The following CDH18 variants were observed in gnomAD, a reference collection of about 807,000 sequenced individuals.
CDH18 encodes the protein cadherin-18.
In CDH18, 31 loss-of-function variants were observed where a neutral mutation model predicts 67.9. That is an observed-to-expected ratio of 0.46 (90% CI 0.34 to 0.62). The LOEUF is 0.62. Ranked by LOEUF, CDH18 falls within the 20% of genes least tolerant of loss-of-function variation. CDH18 has a pLI of 0.01. For missense variants in CDH18, 890 were observed against 975.5 expected (o/e 0.91, Z 1.17); for synonymous variants, 362 against 347.2 (o/e 1.04, Z -0.48).
intron 2 of CDH18, among the ~76,000 whole-genome samples, chr5:20,086,708 A>C (rs1253954533): frequency 6.6e-6 from 1 of 152,230 alleles, no homozygotes; most frequent in East Asian, 1.9e-4. Flanking sequence ...GTCTGTTTAC[A>C]GCATGATTTA....
intron 9 of CDH18, among the ~76,000 whole-genome samples, chr5:19,528,475 T>C (rs987270487): frequency 2.6e-5 from 4 of 151,634 alleles, no homozygotes; most frequent in African/African-American, 9.7e-5. Flanking sequence ...AAACAGCTAC[T>C]ATGTAAAATA....
intron 1 of CDH18, among the ~76,000 whole-genome samples, chr5:20,363,765 A>G (rs1742295789): frequency 6.6e-6 from 1 of 151,042 alleles, no homozygotes. Context: ...ATTGGTAAGT[A>G]TCTGTATTAC....
intron 1 of CDH18, among the ~76,000 whole-genome samples, chr5:20,457,291 T>C (rs922850017): frequency 1.3e-5 from 2 of 152,194 alleles, no homozygotes; most frequent in African/African-American, 2.4e-5. Context: ...GGTTTAACCA[T>C]GTAAAAATTG....
intron 1 of CDH18, among the ~76,000 whole-genome samples, chr5:20,479,223 A>C (rs1001364401): frequency 2.0e-5 from 3 of 152,160 alleles, no homozygotes; most frequent in Admixed American, 2.0e-4. Context: ...ACAAACATCC[A>C]TGTGCATCAA....
At chr5:20,181,674 A>C (rs879116969) in intron 2 of CDH18, among the ~76,000 whole-genome samples, 48 of 152,256 alleles carry the variant, frequency 3.2e-4, no homozygotes, top group African/African-American at 1.1e-3. Flanking sequence ...CAAGTGAACA[A>C]CACCAATAAT....
At chr5:20,104,630 G>C (rs112297806) in intron 2 of CDH18, among the ~76,000 whole-genome samples, 3,497 of 151,932 alleles carry the variant, frequency 0.023, 141 homozygotes, top group African/African-American at 0.077. Flanking sequence ...GTCCACGTCT[G>C]TCCCTCTTCT....
intron 1 of CDH18, among the ~76,000 whole-genome samples, chr5:20,493,356 T>TTAAA (rs1391590923): frequency 6.4e-5 from 3 of 47,196 alleles, no homozygotes; most frequent in African/African-American, 8.5e-5. Context: ...TTCAGAAAAT[T>TTAAA]AAAAAAAAAA....
chr5:20,298,706 A>C (rs1747727828), intron 1 of CDH18, among the ~76,000 whole-genome samples: 2 of 152,186 alleles, frequency 1.3e-5, no homozygotes, highest in African/African-American at 4.8e-5. Flanking sequence ...GCAGTAATTA[A>C]AACAGAGAAA....
At chr5:19,962,821 A>G (rs1797059015) in intron 2 of CDH18, among the ~76,000 whole-genome samples, 1 of 152,094 alleles carries the variant, frequency 6.6e-6, no homozygotes, top group Non-Finnish European at 1.5e-5. Context: ...GGAATACTTA[A>G]GTCTCAGAGA....
intron 3 of CDH18, among the ~76,000 whole-genome samples, chr5:19,756,096 AG>A (rs1406705735): frequency 2.0e-5 from 3 of 152,166 alleles, no homozygotes; most frequent in African/African-American, 4.8e-5. Context: ...GACAATAATA[AG>A]GTCATAATTA....
chr5:20,455,653 A>C lies in CDH18; in HGVS notation c.-580+119809T>G, dbSNP rs572300664. ...GATCCATTCAAATAAATATATTTTT[A>C]AAAAACAAATTTTATTTTAGTTTTC... is the stretch of plus-strand genomic sequence containing the variant. On this transcript the variant is annotated intron_variant, in intron 1 of 14. Transcript: ENST00000507958. Among the ~76,000 whole-genome samples, 3 of 152,228 alleles carry C rather than the reference A, an allele frequency of 2.0e-5. No homozygotes were observed. The South Asian group carries it at 6.2e-4, about 32-fold the overall frequency.
chr5:20,574,046 C>G (rs1758978122), intron 1 of CDH18, among the ~76,000 whole-genome samples: 1 of 150,644 alleles, frequency 6.6e-6, no homozygotes, highest in Non-Finnish European at 1.5e-5. Context: ...CTAAGACCAA[C>G]TGTACTTTCC....
At chr5:20,208,002 T>C (rs148185078) in intron 2 of CDH18, among the ~76,000 whole-genome samples, 80 of 152,154 alleles carry the variant, frequency 5.3e-4, no homozygotes, top group Non-Finnish European at 9.1e-4. Context: ...AAAAATTAAA[T>C]ATAAATCTAT....
At chr5:20,078,227 C>G (rs892801270) in intron 2 of CDH18, among the ~76,000 whole-genome samples, 1 of 151,872 alleles carries the variant, frequency 6.6e-6, no homozygotes, top group Admixed American at 6.6e-5. Flanking sequence ...TTTGGGAGGC[C>G]GAGGCAGGCA....
At chr5:20,154,881 A>G (rs370749541) in intron 2 of CDH18, among the ~76,000 whole-genome samples, 1 of 152,024 alleles carries the variant, frequency 6.6e-6, no homozygotes, top group Non-Finnish European at 1.5e-5. Flanking sequence ...TGCTTTTTCC[A>G]CCCAGTCATC....
At chr5:20,018,570 A>G (rs1287110924) in intron 2 of CDH18, among the ~76,000 whole-genome samples, 1 of 151,500 alleles carries the variant, frequency 6.6e-6, no homozygotes, top group African/African-American at 2.5e-5. Flanking sequence ...AAGATTCTTA[A>G]GAAAATGATA....
intron 2 of CDH18, among the ~76,000 whole-genome samples, chr5:20,065,331 A>G (rs572889644): frequency 6.6e-6 from 1 of 152,144 alleles, no homozygotes; most frequent in East Asian, 1.9e-4. Flanking sequence ...TTAAAATGTT[A>G]AAAGCAATAT....
intron 2 of CDH18, among the ~76,000 whole-genome samples, chr5:19,994,855 T>TATATATATATATATATATAGAGAGAGAG (rs760777430): frequency 3.0e-5 from 2 of 67,586 alleles, no homozygotes; most frequent in African/African-American, 7.4e-5. Context: ...TATATATATA[T>TATATATATATATATATATAGAGAGAGAG]AGAGAGAGAG....
At chr5:19,715,729 A>G (rs1008415521) in intron 5 of CDH18, among the ~76,000 whole-genome samples, 3 of 152,090 alleles carry the variant, frequency 2.0e-5, no homozygotes, top group Admixed American at 2.0e-4. Flanking sequence ...CAAACAAAAT[A>G]ATCATTTTTT....
Sources: gnomAD v4.1 joint callset for allele counts (sites outside exome capture counted in the v4.1 genomes callset) on GRCh38, gnomAD v4.1.1 for gene constraint, MANE v1.5 for transcripts, NCBI Gene and HGNC (gene_info 2026-07-23, HGNC 2026-07-21) for gene names.